The following GNL3L variants were observed in gnomAD, a reference collection of about 807,000 sequenced individuals.
The protein encoded by GNL3L is G protein nucleolar 3 like, also known as guanine nucleotide-binding protein-like 3-like protein.
Under a neutral mutation model 42.9 loss-of-function variants are expected in GNL3L, and 4 were observed. That is an observed-to-expected ratio of 0.09 (90% CI 0.05 to 0.21). The LOEUF is 0.21. GNL3L is among the 10% of genes least tolerant of loss of function. The pLI, the probability that GNL3L is intolerant of heterozygous loss-of-function variation, is 1.00. For synonymous variants in GNL3L, 159 were observed against 176.3 expected (o/e 0.90, Z 0.78); for missense variants, 412 against 481.7 (o/e 0.86, Z 1.36).
intron 16 of GNL3L, among the ~76,000 whole-genome samples, chrX:54,583,402 C>T (rs1391645258): frequency 9.1e-6 from 1 of 109,917 alleles, no homozygotes; most frequent in Non-Finnish European, 1.9e-5. Context: ...CCATGTTAGC[C>T]AGGCTTGTCT....
the GNL3L span, among the ~76,000 whole-genome samples, chrX:54,636,193 T>C: frequency 8.9e-6 from 1 of 111,943 alleles, no homozygotes; most frequent in African/African-American, 3.2e-5. Flanking sequence ...AGAACATACA[T>C]ACACAACAAT....
chrX:54,622,096 T>A (rs1926292694), downstream of GNL3L, among the ~76,000 whole-genome samples: 1 of 110,353 alleles, frequency 9.1e-6, no homozygotes, highest in South Asian at 3.8e-4. Context: ...CTTAAAAAAA[T>A]TATACCAATT....
the GNL3L span, among the ~76,000 whole-genome samples, chrX:54,630,693 C>T: frequency 0.51 from 2,031 of 3,992 alleles, 53 homozygotes; most frequent in Non-Finnish European, 0.53. Context: ...TTCCTTCCTT[C>T]CTTCCTTTCT....
At chrX:54,555,653 T>G (rs1028560249) in intron 14 of GNL3L, among the ~76,000 whole-genome samples, 4 of 89,358 alleles carry the variant, frequency 4.5e-5, no homozygotes, top group Admixed American at 3.7e-4. Context: ...TTTTTTTTTT[T>G]TTTTTTTTGT....
In GNL3L at chrX:54,586,756, C is replaced by T. The variant is rs147799990; in HGVS notation, c.*45+26109C>T. ...CAGCATCTATAGCACCATTGAGGTG[C>T]CTGAGGGCTCAGCTCAGCCCGGATC... On this transcript the variant is annotated intron_variant, in intron 16 of 16. Transcript: ENST00000674498. Among the ~76,000 whole-genome samples, 507 of 112,005 alleles carry T rather than the reference C, an allele frequency of 4.5e-3. 2 individuals are homozygous for T. The highest frequency in any genetic ancestry group is 0.015 in the African/African-American group (463 of 30,872).
the GNL3L span, among the ~76,000 whole-genome samples, chrX:54,631,802 A>G: frequency 3.0e-4 from 33 of 111,603 alleles, no homozygotes; most frequent in East Asian, 2.8e-4. Flanking sequence ...TATTCTATTC[A>G]TCATGCTGTT....
downstream of GNL3L, among the ~76,000 whole-genome samples, chrX:54,625,773 T>A (rs919570305): frequency 1.8e-5 from 2 of 111,391 alleles, no homozygotes; most frequent in East Asian, 5.6e-4. Flanking sequence ...ATGGATAGAT[T>A]TGATTATATT....
chrX:54,544,391 C>T (rs775724710), intron 8 of GNL3L, 65 bp downstream of exon 8: 9 of 556,146 alleles, frequency 1.6e-5, no homozygotes, highest in East Asian at 1.5e-4. Flanking sequence ...CTGGGAGGGT[C>T]GTGACTTGGA....
At chrX:54,613,570 T>C (rs1168844225) in intron 16 of GNL3L, among the ~76,000 whole-genome samples, 2 of 110,662 alleles carry the variant, frequency 1.8e-5, no homozygotes, top group Non-Finnish European at 3.8e-5. Flanking sequence ...TAGGCTCTGT[T>C]AGAGGGAAGG....
downstream of GNL3L, among the ~76,000 whole-genome samples, chrX:54,625,354 T>C (rs1183280547): frequency 9.1e-6 from 1 of 109,915 alleles, no homozygotes; most frequent in Non-Finnish European, 1.9e-5. Context: ...TCCCTACTTT[T>C]CTGAGAGTTT....
chrX:54,616,486 T>C (rs1293255996), intron 16 of GNL3L, among the ~76,000 whole-genome samples: 1 of 112,142 alleles, frequency 8.9e-6, no homozygotes, highest in Non-Finnish European at 1.9e-5. Flanking sequence ...TAACTGCCCA[T>C]GGATAGAGAC....
rs747092909 is a variant in GNL3L at position 54,548,236 on chromosome X, G to C, written c.638G>C (p.Cys213Ser). 8 of 1,205,092 alleles carry C rather than the reference G, an allele frequency of 6.6e-6. No individual in the cohort carries two copies. The highest frequency in any genetic ancestry group is 9.0e-6 in the Non-Finnish European group (8 of 889,921). The change falls in exon 9 of 16, where the codon TGC becomes TCC. Residue 213 changes from cysteine (C) to serine (S), a missense_variant. By Grantham distance (112) the Cys-to-Ser change is moderately radical. Coordinates refer to ENST00000360845, the MANE Select transcript of GNL3L (RefSeq NM_001184819.2). The stretch of plus-strand genomic sequence containing the variant: ...TTCAATTTTTTTTTCCAGAATCGTT[G>C]CAGTGTGCCAGTAGATCAGGCCTCT... ...TQHQVKNLNR[C>S]SVPVDQASES...
rs747471508 is a variant in GNL3L at position 54,558,537 on chromosome X, T to C, written c.1548T>C (p.Asp516=). 1.5e-5 allele frequency: 18 copies of C among 1,205,863 alleles called. No homozygotes were observed. In the East Asian group the frequency reaches 5.3e-4, roughly 36 times the overall value. ...GCCCTAAGAGCAACAGTATGGTGGA[T>C]GTCTGCTCAGTGGACCGCCGCTCAG... is the stretch of plus-strand genomic sequence containing the variant. The part of the protein sequence containing the change: ...DHRPKSNSMV[D]VCSVDRRSVL... Residue 516 remains aspartate, a synonymous_variant, in exon 15 of 16, where the codon GAT becomes GAC. Coordinates refer to ENST00000360845, the MANE Select transcript of GNL3L (RefSeq NM_001184819.2).
At chrX:54,639,996 G>T in the GNL3L span, among the ~76,000 whole-genome samples, 1 of 110,110 alleles carries the variant, frequency 9.1e-6, no homozygotes, top group African/African-American at 3.3e-5. Context: ...CCGCTGTCCA[G>T]AGGTTAGAGC....
intron 4 of GNL3L, 151 bp downstream of exon 4, chrX:54,540,393 A>G: frequency 2.1e-6 from 1 of 467,089 alleles, no homozygotes; most frequent in Non-Finnish European, 3.9e-6. Flanking sequence ...ATGATACTGG[A>G]TTTATGTCTG....
At chrX:54,595,376 C>T (rs1248056637) in intron 16 of GNL3L, among the ~76,000 whole-genome samples, 6 of 111,560 alleles carry the variant, frequency 5.4e-5, no homozygotes, top group Non-Finnish European at 1.1e-4. Context: ...TCTCTCCTGG[C>T]CTGGAAGGTT....
Position 54,543,259 on chromosome X carries a change from T to TA in GNL3L, c.444dup (p.Gly149ArgfsTer28). ...GAAGTCCTGGATGCCAGAGACCCAT[T>TA]AGGCTGCCGCTGCTTCCAAATGGAG... On this transcript the variant is annotated frameshift_variant, in exon 7 of 16. Transcript: ENST00000360845. LOFTEE classifies it high-confidence loss of function. 1 of 1,208,925 alleles carries TA rather than the reference T, an allele frequency of 8.3e-7. No homozygotes were observed. The highest frequency in any genetic ancestry group is 1.1e-6 in the Non-Finnish European group (1 of 893,391).
intron 2 of GNL3L, among the ~76,000 whole-genome samples, chrX:54,538,185 G>A (rs777853150): frequency 2.7e-5 from 3 of 110,926 alleles, no homozygotes; most frequent in Admixed American, 1.9e-4. Flanking sequence ...AGCAAGAGTC[G>A]GTCTCAAAAT....
chrX:54,598,687 T>C (rs1925967115), intron 16 of GNL3L, among the ~76,000 whole-genome samples: 1 of 111,533 alleles, frequency 9.0e-6, no homozygotes, highest in Admixed American at 9.6e-5. Context: ...TAGAGACATA[T>C]AAATTCTTCA....
Sources: allele counts gnomAD v4.1 joint callset (sites outside exome capture counted in the v4.1 genomes callset), GRCh38; gene constraint gnomAD v4.1.1; transcripts MANE v1.5; gene names NCBI Gene and HGNC (gene_info 2026-07-23, HGNC 2026-07-21).